Variants in BMERB1 observed in about 807,000 individuals in gnomAD.
BMERB1 encodes the protein bMERB domain containing 1, also known as bMERB domain-containing protein 1.
A neutral mutation model predicts 23.6 loss-of-function variants in BMERB1; 12 were observed. The observed-to-expected ratio is 0.51, with a 90% CI of 0.33 to 0.82. The LOEUF is 0.82. BMERB1 is among the 40% of genes least tolerant of loss of function. BMERB1 has a pLI of 0.03. For synonymous variants in BMERB1, 122 were observed against 96.6 expected (o/e 1.26, Z -1.54); for missense variants, 247 against 255.4 (o/e 0.97, Z 0.22).
intron 1 of BMERB1, among the ~76,000 whole-genome samples, chr16:15,513,098 C>T (rs1162129710): frequency 1.3e-5 from 2 of 151,944 alleles, no homozygotes; most frequent in East Asian, 1.9e-4. Flanking sequence ...TCTCCTGCCC[C>T]GAGTCTCCCC....
At chr16:15,453,291 A>ATG (rs1282704014) in intron 1 of BMERB1, among the ~76,000 whole-genome samples, 11 of 152,238 alleles carry the variant, frequency 7.2e-5, no homozygotes, top group African/African-American at 1.2e-4. Context: ...AAGAGGGCAA[A>ATG]TGTCATTTAA....
rs2051649742 is a variant in BMERB1, at chr16:15,510,452, G to A, written c.107-4853G>A. Among the ~76,000 whole-genome samples, 9 of 152,180 alleles carry A rather than the reference G, an allele frequency of 5.9e-5. No homozygotes were observed. The South Asian group carries it at 1.4e-3, about 25-fold the overall frequency. On this transcript the variant is annotated intron_variant, in intron 1 of 5. Transcript: ENST00000300006. The stretch of plus-strand genomic sequence containing the variant: ...AAAAGAGGTGATGGGCAGAGCAGGT[G>A]CGGCGGTCATAACGAGGGCAATTGC...
chr16:15,560,014 T>C (rs949825393), intron 2 of BMERB1, among the ~76,000 whole-genome samples: 2 of 152,240 alleles, frequency 1.3e-5, no homozygotes, highest in African/African-American at 4.8e-5. Flanking sequence ...AAAGCCATCC[T>C]GGGCCTAATT....
intron 2 of BMERB1, among the ~76,000 whole-genome samples, chr16:15,552,166 G>A (rs781346986): frequency 2.0e-5 from 3 of 151,966 alleles, no homozygotes; most frequent in Non-Finnish European, 4.4e-5. Flanking sequence ...ACAAGTGGAC[G>A]CGGTGGCTCA....
intron 1 of BMERB1, among the ~76,000 whole-genome samples, chr16:15,498,129 C>T (rs1400116873): frequency 6.6e-6 from 1 of 152,066 alleles, no homozygotes; most frequent in Non-Finnish European, 1.5e-5. Flanking sequence ...GCTGGGTCTC[C>T]TCCAGGGAGA....
chr16:15,459,476 C>T (rs114077900), intron 1 of BMERB1, among the ~76,000 whole-genome samples: 2,258 of 151,896 alleles, frequency 0.015, 61 homozygotes, highest in African/African-American at 0.053. Flanking sequence ...GCAGGAGTGG[C>T]TATATTAATA....
rs750031843 is a variant in BMERB1 at position 15,515,438 on chromosome 16, T to G, written c.230+10T>G. On this transcript the variant is annotated intron_variant, in intron 2 of 5. Coordinates refer to ENST00000300006, the MANE Select transcript of BMERB1 (RefSeq NM_033201.3). Reference sequence around the variant, plus strand: ...CTGAGCTCAGGTTCATGTGAGTGTTTTGGGGATGTGGCCAAGGAAAGAAGT... The same window carrying G: ...CTGAGCTCAGGTTCATGTGAGTGTTGTGGGGATGTGGCCAAGGAAAGAAGT... 8.1e-6 allele frequency: 13 copies of G among 1,612,210 alleles called. No homozygotes were observed. Among genetic ancestry groups the G allele is most frequent in the Non-Finnish European group, 1.1e-5 (13 of 1,179,120 alleles).
chr16:15,551,398 A>T (rs1476071475), intron 2 of BMERB1, among the ~76,000 whole-genome samples: 1 of 152,230 alleles, frequency 6.6e-6, no homozygotes, highest in Non-Finnish European at 1.5e-5. Context: ...AGGCAGAAAC[A>T]CAAATGCCTA....
intron 1 of BMERB1, among the ~76,000 whole-genome samples, chr16:15,450,244 TTA>T (rs1179436683): frequency 6.6e-6 from 1 of 152,194 alleles, no homozygotes; most frequent in Non-Finnish European, 1.5e-5. Flanking sequence ...AATTTGAATT[TTA>T]TATAACTTTC....
intron 2 of BMERB1, among the ~76,000 whole-genome samples, chr16:15,552,478 C>T (rs546078710): frequency 2.0e-5 from 3 of 152,152 alleles, no homozygotes; most frequent in South Asian, 4.2e-4. Flanking sequence ...AATGAACTCA[C>T]AACACTTACT....
intron 1 of BMERB1, among the ~76,000 whole-genome samples, chr16:15,514,381 G>A (rs2150950884): frequency 6.6e-6 from 1 of 152,274 alleles, no homozygotes. Context: ...TAGACCACAG[G>A]GCAAAGTGGT....
chr16:15,540,596 G>C (rs373560119), intron 2 of BMERB1, among the ~76,000 whole-genome samples: 2 of 152,188 alleles, frequency 1.3e-5, no homozygotes, highest in Non-Finnish European at 2.9e-5. Flanking sequence ...AGTGACTGAT[G>C]TTCAGGAAAC....
chr16:15,539,184 G>A (rs1263415070), intron 2 of BMERB1, among the ~76,000 whole-genome samples: 1 of 152,198 alleles, frequency 6.6e-6, no homozygotes, highest in Non-Finnish European at 1.5e-5. Context: ...CGATGGGAGA[G>A]AGTGGCAGAT....
intron 2 of BMERB1, among the ~76,000 whole-genome samples, chr16:15,550,673 G>A (rs531951155): frequency 1.7e-4 from 26 of 152,162 alleles, no homozygotes; most frequent in African/African-American, 5.5e-4. Flanking sequence ...CTGAAAGAAC[G>A]GGATAAAGTA....
At chr16:15,446,194 C>T (rs141134457) in intron 1 of BMERB1, among the ~76,000 whole-genome samples, 1 of 151,952 alleles carries the variant, frequency 6.6e-6, no homozygotes, top group Non-Finnish European at 1.5e-5. Context: ...AGTTCAAGAC[C>T]AGCCTGGGCA....
intron 1 of BMERB1, among the ~76,000 whole-genome samples, chr16:15,452,123 G>A (rs1048716057): frequency 1.3e-5 from 2 of 151,412 alleles, no homozygotes; most frequent in Non-Finnish European, 2.9e-5. Context: ...CTACAAAACA[G>A]TTCTAAAAAT....
At chr16:15,584,171 G>T in intron 5 of BMERB1, 2 of 621,226 alleles carry the variant, frequency 3.2e-6, no homozygotes, top group East Asian at 5.6e-5. Flanking sequence ...AGTGATGATG[G>T]ATCCTGCTGT....
chr16:15,458,607 C>T (rs2051107505), intron 1 of BMERB1, among the ~76,000 whole-genome samples: 2 of 150,886 alleles, frequency 1.3e-5, no homozygotes, highest in African/African-American at 4.9e-5. Flanking sequence ...GTTCCAGCTA[C>T]TTGGGGGGCT....
At chr16:15,525,706 GAAAAAAA>G (rs772716993) in intron 2 of BMERB1, among the ~76,000 whole-genome samples, 4 of 116,782 alleles carry the variant, frequency 3.4e-5, no homozygotes, top group African/African-American at 5.8e-5. Flanking sequence ...TCCCATCTCA[GAAAAAAA>G]AAAAAGAAAA....
Sources: allele counts gnomAD v4.1 joint callset (sites outside exome capture counted in the v4.1 genomes callset), GRCh38; gene constraint gnomAD v4.1.1; transcripts MANE v1.5; gene names NCBI Gene and HGNC (gene_info 2026-07-23, HGNC 2026-07-21).